The following PATJ variants were observed in gnomAD, a reference collection of about 807,000 sequenced individuals.
The protein encoded by PATJ is PATJ crumbs cell polarity complex component.
A neutral mutation model predicts 224.9 loss-of-function variants in PATJ; 190 were observed. That is an observed-to-expected ratio of 0.84 (90% CI 0.75 to 0.95). PATJ has a LOEUF of 0.95. PATJ is among the 40% of genes least tolerant of loss of function. The pLI, the probability that PATJ is intolerant of heterozygous loss-of-function variation, is 0.00. For synonymous variants in PATJ, 769 were observed against 820.3 expected, an observed-to-expected ratio of 0.94 and a Z score of 1.07; for missense variants, 2,121 against 2,270.3, an observed-to-expected ratio of 0.93 and a Z score of 1.34.
At position 61,785,497 on chromosome 1, in the gene PATJ, T is replaced by C. The variant is rs1054424764; in HGVS notation, c.850-2257T>C. Among the ~76,000 whole-genome samples the C allele has an allele frequency of 2.6e-5, 4 of 152,212 alleles. No individual in the cohort carries two copies. In the East Asian group the frequency reaches 7.7e-4, roughly 29 times the overall value. ...AGCTTTGTGACCTTGGTCAAGTCAG[T>C]CAAACTGTTTGTATCTCAATTTTCT... On this transcript the variant is annotated intron_variant, in intron 7 of 43. Transcript: ENST00000642238.
chr1:61,789,033 A>C (rs12057751), intron 8 of PATJ, among the ~76,000 whole-genome samples: 6,947 of 152,078 alleles, frequency 0.046, 554 homozygotes, highest in African/African-American at 0.16. Flanking sequence ...AATGGGCCAG[A>C]TGCGGTGGCT....
At chr1:61,927,537 T>C (rs186350986) in intron 26 of PATJ, among the ~76,000 whole-genome samples, 193 bp from the exon 27 acceptor site, 65 of 152,356 alleles carry the variant, frequency 4.3e-4, no homozygotes, top group African/African-American at 1.4e-3. Context: ...AGTGTGTTTA[T>C]ACCACAGAGT....
At chr1:61,775,425 A>G in intron 7 of PATJ, 91 bp downstream of exon 7, 6 of 1,075,950 alleles carry the variant, frequency 5.6e-6, no homozygotes, top group East Asian at 2.5e-5. Flanking sequence ...TTACCAGGAT[A>G]TATGACTTAA....
At chr1:61,883,230 T>C (rs969068268) in intron 21 of PATJ, among the ~76,000 whole-genome samples, 27 of 152,306 alleles carry the variant, frequency 1.8e-4, no homozygotes, top group Non-Finnish European at 2.9e-4. Flanking sequence ...TCCAAAAATG[T>C]TGTCCCCACC....
At chr1:62,015,022 G>A (rs925952251) in intron 28 of PATJ, among the ~76,000 whole-genome samples, 6 of 152,142 alleles carry the variant, frequency 3.9e-5, no homozygotes, top group Admixed American at 6.6e-5. Context: ...AACGTATGCC[G>A]GGCGCAGTGG....
At chr1:61,743,927 A>G (rs138147804) in intron 1 of PATJ, among the ~76,000 whole-genome samples, 4 of 152,300 alleles carry the variant, frequency 2.6e-5, no homozygotes, top group African/African-American at 9.6e-5. Flanking sequence ...GTAAGTGCAG[A>G]TAAGCTGCGT....
intron 31 of PATJ, among the ~76,000 whole-genome samples, chr1:62,053,674 G>A (rs957847981): frequency 2.0e-5 from 3 of 151,942 alleles, no homozygotes; most frequent in African/African-American, 4.8e-5. Context: ...AGCCGAGATC[G>A]CGCCATTGCA....
chr1:61,749,645 A>G (rs1260293800), intron 1 of PATJ, among the ~76,000 whole-genome samples: 6 of 151,760 alleles, frequency 4.0e-5, no homozygotes, highest in Admixed American at 6.6e-5. Context: ...GGAACTGCCT[A>G]TATCATCATG....
At chr1:61,803,784 G>A (rs1223191974) in intron 12 of PATJ, among the ~76,000 whole-genome samples, 1 of 152,108 alleles carries the variant, frequency 6.6e-6, no homozygotes, top group Non-Finnish European at 1.5e-5. Context: ...TAGCTTTAGA[G>A]TAAAATCAAA....
chr1:61,985,180 C>T (rs908199800), intron 27 of PATJ, among the ~76,000 whole-genome samples: 27 of 152,076 alleles, frequency 1.8e-4, no homozygotes, highest in East Asian at 3.9e-4. Flanking sequence ...GGCGCGGTGG[C>T]GCATGCCTAT....
chr1:62,008,520 G>T (rs1028705697), intron 28 of PATJ, among the ~76,000 whole-genome samples: 3 of 152,154 alleles, frequency 2.0e-5, no homozygotes, highest in African/African-American at 7.2e-5. Flanking sequence ...ACTTTGAGAG[G>T]CCAGGGCAAG....
chr1:61,838,817 G>A (rs1660630721), intron 17 of PATJ, among the ~76,000 whole-genome samples: 1 of 151,988 alleles, frequency 6.6e-6, no homozygotes, highest in Non-Finnish European at 1.5e-5. Context: ...TATGTGTAAT[G>A]TCTTTATTCC....
At chr1:61,831,915 G>A (rs1659396409) in intron 16 of PATJ, among the ~76,000 whole-genome samples, 1 of 152,106 alleles carries the variant, frequency 6.6e-6, no homozygotes, top group African/African-American at 2.4e-5. Flanking sequence ...GCAAAGACAT[G>A]GAACAAACCT....
chr1:61,891,871 G>T (rs1197612886), intron 22 of PATJ, among the ~76,000 whole-genome samples: 1 of 152,158 alleles, frequency 6.6e-6, no homozygotes, highest in Non-Finnish European at 1.5e-5. Flanking sequence ...CCATCACCCA[G>T]AAAGTCCTCC....
intron 38 of PATJ, 63 bp downstream of exon 38, chr1:62,121,358 G>GT (rs1476547564): frequency 3.1e-5 from 29 of 950,712 alleles, no homozygotes; most frequent in Non-Finnish European, 4.1e-5. Flanking sequence ...AAAAAAATGT[G>GT]TTTTTTAAAA....
intron 33 of PATJ, among the ~76,000 whole-genome samples, chr1:62,098,039 C>T (rs777444907): frequency 1.1e-3 from 160 of 152,096 alleles, no homozygotes; most frequent in Middle Eastern, 3.4e-3. Flanking sequence ...GAGGCGGAGG[C>T]GGGCAGATCA....
At chr1:62,038,689 G>A (rs1436060656) in intron 30 of PATJ, among the ~76,000 whole-genome samples, 1 of 152,022 alleles carries the variant, frequency 6.6e-6, no homozygotes, top group Non-Finnish European at 1.5e-5. Context: ...TCACTATTCA[G>A]TATCTTTTCA....
At chr1:61,940,613 G>A (rs1156540306) in intron 27 of PATJ, among the ~76,000 whole-genome samples, 3 of 151,792 alleles carry the variant, frequency 2.0e-5, no homozygotes, top group African/African-American at 7.3e-5. Flanking sequence ...CTACTCGGGA[G>A]GCTGAGGCTG....
chr1:61,998,013 T>TA lies in PATJ; in HGVS notation c.3867+7649_3867+7650insA, dbSNP rs1558014788. On this transcript the variant is annotated intron_variant, in intron 28 of 43. Coordinates refer to ENST00000642238, the MANE Select transcript of PATJ (RefSeq NM_001350145.3). The stretch of plus-strand genomic sequence containing the variant: ...ATGTATATATAATATATTATATATA[T>TA]TAATTATATATAATATATTATATAT... Among the ~76,000 whole-genome samples the TA allele has an allele frequency of 2.6e-4, 30 of 114,044 alleles. 1 individual carries two copies. Among genetic ancestry groups the TA allele is most frequent in the African/African-American group, 9.3e-4 (27 of 29,114 alleles). 74.8% of individuals were successfully genotyped at this position (114,044 alleles called of 152,430 possible).
Sources: allele counts gnomAD v4.1 joint callset (sites outside exome capture counted in the v4.1 genomes callset), GRCh38; gene constraint gnomAD v4.1.1; transcripts MANE v1.5; gene names NCBI Gene and HGNC (gene_info 2026-07-23, HGNC 2026-07-21).